Variants in LYN observed in about 807,000 individuals in gnomAD.
The protein encoded by LYN is LYN proto-oncogene, Src family tyrosine kinase, also known as tyrosine-protein kinase Lyn.
Under a neutral mutation model 65.0 loss-of-function variants are expected in LYN, and 12 were observed. The ratio of observed to expected loss-of-function variants is 0.18; its 90% CI spans 0.12 to 0.30. The LOEUF is 0.30. Ranked by LOEUF, LYN falls within the 10% of genes least tolerant of loss-of-function variation. LYN has a pLI of 1.00. For synonymous variants in LYN, 222 were observed against 221.2 expected (o/e 1.00, Z -0.03); for missense variants, 380 against 623.2 (o/e 0.61, Z 4.16).
At chr8:55,898,904 G>C (rs1805188327) in intron 1 of LYN, among the ~76,000 whole-genome samples, 1 of 152,018 alleles carries the variant, frequency 6.6e-6, no homozygotes, top group Non-Finnish European at 1.5e-5. Flanking sequence ...GATCACTGTA[G>C]CCTCTGATCT....
intron 1 of LYN, among the ~76,000 whole-genome samples, chr8:55,905,187 G>T (rs1227190162): frequency 6.6e-6 from 1 of 152,180 alleles, no homozygotes; most frequent in Non-Finnish European, 1.5e-5. Context: ...GAGGCAGGCG[G>T]ATCACCTGAG....
chr8:55,917,566 G>T (rs1380165081), intron 1 of LYN, among the ~76,000 whole-genome samples: 1 of 152,224 alleles, frequency 6.6e-6, no homozygotes, highest in Non-Finnish European at 1.5e-5. Flanking sequence ...GGGGAGGATA[G>T]TGCTAATGAA....
intron 8 of LYN, 29 bp from the exon 9 acceptor site, chr8:55,966,686 A>G: frequency 1.9e-6 from 3 of 1,603,266 alleles, no homozygotes; most frequent in Non-Finnish European, 2.6e-6. Flanking sequence ...TGTTTTATAA[A>G]GCATGCCCGC....
chr8:55,972,628 A>G (rs936096277), intron 10 of LYN, among the ~76,000 whole-genome samples: 2 of 152,294 alleles, frequency 1.3e-5, no homozygotes, highest in East Asian at 3.9e-4. Flanking sequence ...CTGTGCCAAG[A>G]AGGCCATCTC....
intron 1 of LYN, among the ~76,000 whole-genome samples, chr8:55,887,575 T>TACACACACACACACAAACACAC (rs1804835434): frequency 1.1e-5 from 1 of 93,436 alleles, no homozygotes; most frequent in Admixed American, 1.3e-4. Context: ...TATATATATA[T>TACACACACACACACAAACACAC]ACACACACAC....
chr8:55,942,112 T>C, intron 2 of LYN, 121 bp downstream of exon 2: 1 of 946,690 alleles, frequency 1.1e-6, no homozygotes, highest in South Asian at 1.6e-5. Flanking sequence ...GGTCCTCAAA[T>C]AATTTTTGAT....
At chr8:55,896,981 C>G (rs891709642) in intron 1 of LYN, among the ~76,000 whole-genome samples, 1 of 152,168 alleles carries the variant, frequency 6.6e-6, no homozygotes, top group Non-Finnish European at 1.5e-5. Flanking sequence ...CTTAGGTGAT[C>G]CGCCTGCCTT....
At chr8:55,969,453 G>A (rs1489430922) in intron 9 of LYN, among the ~76,000 whole-genome samples, 1 of 152,190 alleles carries the variant, frequency 6.6e-6, no homozygotes, top group South Asian at 2.1e-4. Flanking sequence ...ATGGTTCTCA[G>A]ACACCTGTAG....
At chr8:55,951,431 C>G (rs768631968) in intron 6 of LYN, among the ~76,000 whole-genome samples, 1 of 151,366 alleles carries the variant, frequency 6.6e-6, no homozygotes, top group Non-Finnish European at 1.5e-5. Flanking sequence ...TTTGGGAGGC[C>G]GAGACTGAGA....
At chr8:55,947,980 A>AT (rs112748159) in intron 4 of LYN, among the ~76,000 whole-genome samples, 35,103 of 149,584 alleles carry the variant, frequency 0.23, 4,871 homozygotes, top group African/African-American at 0.39. Flanking sequence ...CTTTAAAACA[A>AT]TTTTTTTTTT....
At chr8:55,906,008 G>A (rs1208763129) in intron 1 of LYN, among the ~76,000 whole-genome samples, 1 of 152,222 alleles carries the variant, frequency 6.6e-6, no homozygotes, top group African/African-American at 2.4e-5. Context: ...ACAGCATTCA[G>A]TAGTTTTGTG....
In LYN at chr8:55,887,557, A is replaced by AATAT. The variant is rs1196278216; in HGVS notation, c.-6+7470_-6+7473dup. Among the ~76,000 whole-genome samples the AATAT allele has an allele frequency of 5.2e-3, 357 of 68,794 alleles. 2 individuals carry two copies. The highest frequency in any genetic ancestry group is 0.019 in the African/African-American group (345 of 18,574). The allele number at this position is 68,794 out of a possible 152,430, so 45.1% of individuals were successfully genotyped here. Reference sequence around the variant, plus strand: ...TACATAAATCCCATATAAAAATATAAATATATATATATATATATACACACA... The same window carrying AATAT: ...TACATAAATCCCATATAAAAATATAAATATATATATATATATATATATACACACA... On this transcript the variant is annotated intron_variant, in intron 1 of 12. Coordinates refer to ENST00000519728, the MANE Select transcript of LYN (RefSeq NM_002350.4).
chr8:55,958,785 T>C (rs1807195064), intron 8 of LYN, among the ~76,000 whole-genome samples: 1 of 152,264 alleles, frequency 6.6e-6, no homozygotes, highest in South Asian at 2.1e-4. Context: ...GTAGCATGTG[T>C]CAGAATTTCT....
chr8:55,930,069 G>A (rs531546499), intron 1 of LYN, among the ~76,000 whole-genome samples: 1 of 152,292 alleles, frequency 6.6e-6, no homozygotes, highest in Admixed American at 6.5e-5. Context: ...TCTAAGTTAT[G>A]TGCTCCTTGT....
intron 4 of LYN, among the ~76,000 whole-genome samples, chr8:55,950,125 A>AAT (rs1183504362): frequency 6.6e-6 from 1 of 152,214 alleles, no homozygotes; most frequent in African/African-American, 2.4e-5. Flanking sequence ...ACTGCTGAGT[A>AAT]ATACTCCACT....
At chr8:55,906,332 T>C (rs1805417152) in intron 1 of LYN, among the ~76,000 whole-genome samples, 1 of 93,564 alleles carries the variant, frequency 1.1e-5, no homozygotes, top group Admixed American at 1.0e-4. Context: ...AATTCGTTTT[T>C]TTTGTTTTGT....
At chr8:55,898,133 C>CA (rs143378787) in intron 1 of LYN, among the ~76,000 whole-genome samples, 5,785 of 151,176 alleles carry the variant, frequency 0.038, 349 homozygotes, top group African/African-American at 0.13. Flanking sequence ...ACCCTCCCCC[C>CA]AAAAAAAAAC....
chr8:55,934,980 A>C (rs1463724001), intron 1 of LYN, among the ~76,000 whole-genome samples: 1 of 152,022 alleles, frequency 6.6e-6, no homozygotes, highest in Non-Finnish European at 1.5e-5. Context: ...CTGACACCTA[A>C]CCATCGAAGC....
chr8:55,919,366 G>C (rs1473705727), intron 1 of LYN, among the ~76,000 whole-genome samples: 1 of 152,182 alleles, frequency 6.6e-6, no homozygotes, highest in Non-Finnish European at 1.5e-5. Context: ...GTTTGAGTGA[G>C]AAGAATGAGG....
Sources: gnomAD v4.1 joint callset for allele counts (sites outside exome capture counted in the v4.1 genomes callset) on GRCh38, gnomAD v4.1.1 for gene constraint, MANE v1.5 for transcripts, NCBI Gene and HGNC (gene_info 2026-07-23, HGNC 2026-07-21) for gene names.